BRI3: variants seen among roughly 807,000 people sequenced by gnomAD.
The protein encoded by BRI3 is membrane protein BRI3.
BRI3 carries 6 observed loss-of-function variants against 12.8 expected under a neutral mutation model. The observed-to-expected ratio is 0.47, with a 90% CI of 0.26 to 0.93. BRI3 has a LOEUF of 0.93. BRI3 is among the 40% of genes least tolerant of loss of function. The pLI, the probability that BRI3 is intolerant of heterozygous loss-of-function variation, is 0.15. For synonymous variants in BRI3, 91 were observed against 76.1 expected (o/e 1.20, Z -1.02); for missense variants, 134 against 171.1 (o/e 0.78, Z 1.21).
chr7:98,307,949 G>C (rs917063694), exon 2 of BRI3: 8 of 1,534,560 alleles, frequency 5.2e-6, no homozygotes, highest in African/African-American at 1.4e-5. Flanking sequence ...GAATCAATAG[G>C]CACATTCCAA....
chr7:98,289,429 A>T (rs960787624), intron 2 of BRI3, among the ~76,000 whole-genome samples: 2 of 152,228 alleles, frequency 1.3e-5, no homozygotes, highest in African/African-American at 4.8e-5. Flanking sequence ...CCCAGGAAGC[A>T]GCTGGAAACA....
intron 2 of BRI3, among the ~76,000 whole-genome samples, chr7:98,286,032 G>GC (rs1265004634): frequency 2.0e-5 from 3 of 152,208 alleles, no homozygotes; most frequent in Non-Finnish European, 4.4e-5. Context: ...GTGCCCTAGG[G>GC]CCAGCCCCCT....
downstream of BRI3, among the ~76,000 whole-genome samples, chr7:98,296,664 A>C (rs528456172): frequency 6.6e-6 from 1 of 152,266 alleles, no homozygotes; most frequent in East Asian, 1.9e-4. Context: ...ACAAAAACAG[A>C]AACAACAAAA....
At chr7:98,312,261 C>T, downstream of BRI3, 1 of 1,605,794 alleles carries the variant, frequency 6.2e-7, no homozygotes, top group Non-Finnish European at 8.5e-7. Context: ...AGTAGTTCTG[C>T]AGACTGCAAA....
chr7:98,313,774 A>G (rs897079989), downstream of BRI3, among the ~76,000 whole-genome samples: 8 of 146,318 alleles, frequency 5.5e-5, no homozygotes, highest in Non-Finnish European at 1.2e-4. Flanking sequence ...GCACATCACC[A>G]CAACTGGCTA....
At chr7:98,304,085 C>G (rs1800534735), upstream of BRI3, 1 of 1,174,374 alleles carries the variant, frequency 8.5e-7, no homozygotes, top group Non-Finnish European at 1.1e-6. Flanking sequence ...CCGGGGACAC[C>G]ACTCTCCCCC....
At chr7:98,283,773 C>G (rs1799614669) in intron 2 of BRI3, among the ~76,000 whole-genome samples, 1 of 152,172 alleles carries the variant, frequency 6.6e-6, no homozygotes, top group African/African-American at 2.4e-5. Flanking sequence ...GGGCTTGTTT[C>G]CCCACCTGGG....
downstream of BRI3, chr7:98,294,129 A>G (rs758886875): frequency 1.9e-6 from 3 of 1,613,172 alleles, no homozygotes; most frequent in South Asian, 3.3e-5. Context: ...AAAGATAAAG[A>G]AGTTTATGGA....
At chr7:98,302,031 G>A (rs867744758), upstream of BRI3, among the ~76,000 whole-genome samples, 13 of 152,300 alleles carry the variant, frequency 8.5e-5, no homozygotes, top group South Asian at 8.3e-4. Context: ...GGCGTGCACC[G>A]TGCGCTGGCA....
intron 2 of BRI3, among the ~76,000 whole-genome samples, chr7:98,287,537 G>A (rs1054612840): frequency 3.3e-5 from 5 of 152,196 alleles, no homozygotes; most frequent in South Asian, 2.1e-4. Context: ...GAGAGGCGCC[G>A]GGGCCTGGGT....
chr7:98,321,155 G>A, the BRI3 span, among the ~76,000 whole-genome samples: 1 of 152,126 alleles, frequency 6.6e-6, no homozygotes, highest in African/African-American at 2.4e-5. Context: ...CACTGTACCT[G>A]GCCCACGTGG....
chr7:98,310,474 G>C, downstream of BRI3: 1 of 1,600,424 alleles, frequency 6.2e-7, no homozygotes, highest in South Asian at 1.1e-5. Flanking sequence ...TTGTGAATTC[G>C]GGGCAGCCGT....
chr7:98,287,132 G>A (rs1199096523), intron 2 of BRI3, among the ~76,000 whole-genome samples: 1 of 152,262 alleles, frequency 6.6e-6, no homozygotes, highest in Non-Finnish European at 1.5e-5. Flanking sequence ...GCTGGCAGAG[G>A]CCTGAGCCTC....
chr7:98,293,544 G>A (rs368322115), downstream of BRI3: 49 of 1,613,762 alleles, frequency 3.0e-5, no homozygotes, highest in Non-Finnish European at 3.8e-5. Context: ...GGTGCCGAGC[G>A]ATCATTCGTC....
intron 1 of BRI3, among the ~76,000 whole-genome samples, chr7:98,299,278 C>G (rs1197440216): frequency 2.6e-5 from 4 of 152,080 alleles, no homozygotes; most frequent in African/African-American, 9.7e-5. Context: ...CTCGGCCTCC[C>G]AAGGTGCTGG....
chr7:98,293,526 G>A (rs1439499536), downstream of BRI3: 7 of 1,613,098 alleles, frequency 4.3e-6, no homozygotes, highest in African/African-American at 1.3e-5. Flanking sequence ...TCCTCTCATC[G>A]AATGATGGGT....
At position 98,281,808 on chromosome 7, in the gene BRI3, C is replaced by G. The variant is rs1261113270; in HGVS notation, c.13C>G (p.Pro5Ala). Residue 5 changes from proline (P) to alanine (A), a missense_variant, in exon 1 of 3, where the codon CCG becomes GCG. Pro to Ala is a conservative substitution (Grantham distance 27). Transcript: ENST00000297290. ...CGGCCGGGCCGCCATGGACCACAAG[C>G]CGCTGCTGCAGGAGCGGCCGCCCGC... is the stretch of plus-strand genomic sequence containing the variant. MDHK[P>A]LLQERPPAYN... 2 of 1,230,466 alleles carry G rather than the reference C, an allele frequency of 1.6e-6. No homozygotes were observed. The highest frequency in any genetic ancestry group is 3.2e-5 in the African/African-American group (2 of 63,180). The allele number at this position is 1,230,466 out of a possible 1,614,324, so 76.2% of individuals were successfully genotyped here.
chr7:98,288,397 T>C (rs1360932904), intron 2 of BRI3, among the ~76,000 whole-genome samples: 1 of 152,058 alleles, frequency 6.6e-6, no homozygotes, highest in African/African-American at 2.4e-5. Flanking sequence ...GGCGGAGGTG[T>C]CCTGCCCAGT....
chr7:98,315,107 A>G (rs1355490569), downstream of BRI3, among the ~76,000 whole-genome samples: 1 of 152,104 alleles, frequency 6.6e-6, no homozygotes, highest in Non-Finnish European at 1.5e-5. Flanking sequence ...AGTGGCGTGC[A>G]TGTGTGTATA....
Sources: allele counts gnomAD v4.1 joint callset (sites outside exome capture counted in the v4.1 genomes callset), GRCh38; gene constraint gnomAD v4.1.1; transcripts MANE v1.5; gene names NCBI Gene and HGNC (gene_info 2026-07-23, HGNC 2026-07-21).